COL23A1: variants seen among roughly 807,000 people sequenced by gnomAD.
The protein encoded by COL23A1 is collagen type XXIII alpha 1 chain.
A neutral mutation model predicts 99.3 loss-of-function variants in COL23A1; 97 were observed. The ratio of observed to expected loss-of-function variants is 0.98; its 90% CI spans 0.83 to 1.16. The LOEUF (loss-of-function observed/expected upper bound fraction) is 1.16. Ranked by LOEUF, COL23A1 falls within the 50% of genes most tolerant of loss-of-function variation. The pLI, the probability that COL23A1 is intolerant of heterozygous loss-of-function variation, is 0.00. For missense variants in COL23A1, 762 were observed against 757.4 expected, an observed-to-expected ratio of 1.01 and a Z score of -0.07; for synonymous variants, 320 against 308.2, an observed-to-expected ratio of 1.04 and a Z score of -0.40.
rs188775546 is a variant in COL23A1 at position 178,279,407 on chromosome 5, C to T, written c.441+8917G>A. The stretch of plus-strand genomic sequence containing the variant: ...GGAGGATGTGCAGCCTTGGCTCGCA[C>T]ACCCCTGGTGATGTGGAACTCACTG... On this transcript the variant is annotated intron_variant, in intron 5 of 28. Transcript: ENST00000390654. Among the ~76,000 whole-genome samples, 6 of 152,372 alleles carry T rather than the reference C, an allele frequency of 3.9e-5. No homozygotes were observed. The East Asian group carries it at 7.7e-4, about 20-fold the overall frequency.
chr5:178,326,970 G>A (rs533827050), intron 2 of COL23A1, among the ~76,000 whole-genome samples: 5 of 152,286 alleles, frequency 3.3e-5, no homozygotes, highest in East Asian at 3.9e-4. Flanking sequence ...CGCCCACCTT[G>A]GCCTCCCAAA....
chr5:178,238,618 A>C lies in COL23A1; in HGVS notation c.*80T>G. ...CAGGTAGCGCATTCCATGAAAAAAG[A>C]TCAATATATTACTGTTTTGTTTTTA... On this transcript the variant is annotated 3_prime_UTR_variant, in exon 29 of 29. Transcript: ENST00000390654. The C allele has an allele frequency of 6.4e-7, 1 of 1,562,486 alleles. No individual in the cohort carries two copies. The highest frequency in any genetic ancestry group is 8.8e-7 in the Non-Finnish European group (1 of 1,136,006).
chr5:178,290,120 C>T (rs561189377), intron 4 of COL23A1, among the ~76,000 whole-genome samples: 3 of 152,160 alleles, frequency 2.0e-5, no homozygotes, highest in East Asian at 1.9e-4. Context: ...TTAGTAGAGA[C>T]GAGGTCTCAC....
intron 1 of COL23A1, among the ~76,000 whole-genome samples, chr5:178,575,622 T>C (rs1485927368): frequency 6.6e-6 from 1 of 152,016 alleles, no homozygotes; most frequent in Admixed American, 6.6e-5. Context: ...AAGCTGGAAC[T>C]AAAAAGCAAG....
At chr5:178,266,073 C>G (rs1755878983) in intron 8 of COL23A1, among the ~76,000 whole-genome samples, 1 of 152,096 alleles carries the variant, frequency 6.6e-6, no homozygotes, top group East Asian at 1.9e-4. Context: ...GACAGTCTCG[C>G]TCTGTCACCC....
At chr5:178,561,786 A>G in intron 1 of COL23A1, 1 of 191,228 alleles carries the variant, frequency 5.2e-6, no homozygotes, top group Non-Finnish European at 1.1e-5. Flanking sequence ...TTCAAACATT[A>G]AACAGTATTT....
At chr5:178,447,938 A>G (rs1767255330) in intron 2 of COL23A1, among the ~76,000 whole-genome samples, 2 of 152,124 alleles carry the variant, frequency 1.3e-5, no homozygotes, top group African/African-American at 4.8e-5. Context: ...CTTAACTTGG[A>G]GCATGAACAG....
chr5:178,533,098 G>A (rs1760740249), intron 2 of COL23A1, among the ~76,000 whole-genome samples: 1 of 152,172 alleles, frequency 6.6e-6, no homozygotes, highest in Admixed American at 6.5e-5. Flanking sequence ...GCCCTACAGG[G>A]GATTCTAAGG....
At chr5:178,452,988 A>G (rs1767570788) in intron 2 of COL23A1, among the ~76,000 whole-genome samples, 1 of 152,206 alleles carries the variant, frequency 6.6e-6, no homozygotes, top group African/African-American at 2.4e-5. Context: ...GTGATGGCAA[A>G]AGAGTGGACA....
intron 7 of COL23A1, 44 bp downstream of exon 7, chr5:178,268,686 C>A: frequency 1.3e-6 from 2 of 1,581,998 alleles, no homozygotes; most frequent in South Asian, 2.3e-5. Flanking sequence ...TTCTGGGATT[C>A]TTCGCCTGCC....
intron 2 of COL23A1, among the ~76,000 whole-genome samples, chr5:178,388,648 A>C (rs1763798398): frequency 6.6e-6 from 1 of 152,118 alleles, no homozygotes; most frequent in Non-Finnish European, 1.5e-5. Context: ...GACATCCAGG[A>C]GCGGTGGAGA....
intron 2 of COL23A1, among the ~76,000 whole-genome samples, chr5:178,450,688 T>G (rs1460190771): frequency 6.6e-6 from 1 of 152,174 alleles, no homozygotes; most frequent in South Asian, 2.1e-4. Context: ...ATAGTAACAA[T>G]AGCCAGCTTT....
At chr5:178,262,143 G>A in intron 10 of COL23A1, 74 bp downstream of exon 10, 1 of 1,478,862 alleles carries the variant, frequency 6.8e-7, no homozygotes, top group Non-Finnish European at 9.2e-7. Flanking sequence ...GTCGGCGTGT[G>A]TGGGAAAGGG....
rs1186630717 is a variant in COL23A1 at position 178,562,321 on chromosome 5, G to A, written c.295-1573C>T. 15 of 233,020 alleles carry A rather than the reference G, an allele frequency of 6.4e-5. No homozygotes were observed. The South Asian group carries it at 7.0e-4, about 11-fold the overall frequency. 14.4% of individuals were successfully genotyped at this position (233,020 alleles called of 1,614,324 possible). A position where few individuals can be genotyped will look rare whatever the true frequency, so the allele number is the denominator to read the frequency against. On this transcript the variant is annotated intron_variant, in intron 1 of 28. Transcript: ENST00000390654. ...TCGCTCACTCATACTTTGGGACGCC[G>A]AGGCCGGCGGATCACGAGGTCAGGA...
At chr5:178,362,568 C>A (rs1486223167) in intron 2 of COL23A1, among the ~76,000 whole-genome samples, 1 of 152,220 alleles carries the variant, frequency 6.6e-6, no homozygotes, top group African/African-American at 2.4e-5. Context: ...CCCACCCTTG[C>A]CACCGGCAGG....
chr5:178,521,969 C>T (rs1355918565), intron 2 of COL23A1, among the ~76,000 whole-genome samples: 1 of 152,050 alleles, frequency 6.6e-6, no homozygotes, highest in East Asian at 1.9e-4. Context: ...TTCATGCCAC[C>T]AAATTGTACC....
At chr5:178,326,775 A>C (rs1471422310) in intron 2 of COL23A1, among the ~76,000 whole-genome samples, 5 of 152,214 alleles carry the variant, frequency 3.3e-5, no homozygotes, top group Non-Finnish European at 5.9e-5. Context: ...GCTGGAGTGC[A>C]GTGGCGCGAT....
chr5:178,369,577 A>G (rs1762689535), intron 2 of COL23A1, among the ~76,000 whole-genome samples: 1 of 152,162 alleles, frequency 6.6e-6, no homozygotes, highest in Admixed American at 6.5e-5. Context: ...AGGTAATTGA[A>G]TCATGGGGGC....
chr5:178,582,124 T>C (rs2113726488), intron 1 of COL23A1, among the ~76,000 whole-genome samples: 1 of 148,774 alleles, frequency 6.7e-6, no homozygotes. Flanking sequence ...GGAAGACTGT[T>C]TGAGGCCAGG....
Sources: gnomAD v4.1 joint callset for allele counts (sites outside exome capture counted in the v4.1 genomes callset) on GRCh38, gnomAD v4.1.1 for gene constraint, MANE v1.5 for transcripts, NCBI Gene and HGNC (gene_info 2026-07-23, HGNC 2026-07-21) for gene names.